The following TRPM3 variants were observed in gnomAD, a reference collection of about 807,000 sequenced individuals.
TRPM3 encodes the protein transient receptor potential cation channel subfamily M member 3.
TRPM3 carries 77 observed loss-of-function variants against 181.2 expected under a neutral mutation model. The observed-to-expected ratio is 0.42, with a 90% CI of 0.35 to 0.51. The LOEUF (loss-of-function observed/expected upper bound fraction) is 0.51, where lower values mean the gene tolerates loss of function less well. Among genes scored for constraint, TRPM3 ranks in the 20% least tolerant of loss-of-function variants. The probability of loss-of-function intolerance (pLI) is 0.01; values close to 1 mark genes in which losing one functional copy is unlikely to be tolerated. For synonymous variants in TRPM3, 745 were observed against 796.4 expected (o/e 0.94, Z 1.09); for missense variants, 1,759 against 2,196.7 (o/e 0.80, Z 3.98).
At chr9:70,839,413 G>T (rs1314079976) in intron 5 of TRPM3, among the ~76,000 whole-genome samples, 1 of 152,036 alleles carries the variant, frequency 6.6e-6, no homozygotes, top group East Asian at 1.9e-4. Flanking sequence ...TTATTTTTAG[G>T]ACTAGTATTT....
At chr9:71,398,931 T>C (rs1239964841) in intron 1 of TRPM3, among the ~76,000 whole-genome samples, 4 of 152,142 alleles carry the variant, frequency 2.6e-5, no homozygotes. Flanking sequence ...AAAATGAAAA[T>C]TCTTTTTCAT....
At chr9:70,582,701 A>T (rs1403712846) in intron 22 of TRPM3, among the ~76,000 whole-genome samples, 1 of 152,198 alleles carries the variant, frequency 6.6e-6, no homozygotes, top group African/African-American at 2.4e-5. Flanking sequence ...GCCATATGTG[A>T]CGAGCAGCTA....
intron 3 of TRPM3, among the ~76,000 whole-genome samples, chr9:70,859,837 G>T (rs972742079): frequency 2.0e-5 from 3 of 152,146 alleles, no homozygotes; most frequent in African/African-American, 4.8e-5. Flanking sequence ...TTACTGTTTT[G>T]CTGGAGTGAG....
At chr9:71,094,447 C>T (rs1415723526) in intron 1 of TRPM3, among the ~76,000 whole-genome samples, 1 of 152,114 alleles carries the variant, frequency 6.6e-6, no homozygotes, top group Non-Finnish European at 1.5e-5. Context: ...TGCATATCCT[C>T]ATTTTATTCT....
intron 1 of TRPM3, among the ~76,000 whole-genome samples, chr9:70,916,344 T>C (rs1178936433): frequency 3.3e-5 from 5 of 152,144 alleles, no homozygotes; most frequent in African/African-American, 4.8e-5. Context: ...CAGAAAAATA[T>C]AGAATATTAT....
At chr9:70,824,267 G>A (rs2093405467) in intron 6 of TRPM3, among the ~76,000 whole-genome samples, 1 of 152,144 alleles carries the variant, frequency 6.6e-6, no homozygotes, top group South Asian at 2.1e-4. Flanking sequence ...CTGAGTGTAA[G>A]AGGTGGTAGA....
In TRPM3 at chr9:70,534,305, C is replaced by A. The variant is rs1320138870; in HGVS notation, c.*1648G>T. 6.6e-6 allele frequency: 1 copy of A among 152,148 alleles called. No individual in the cohort carries two copies. Among genetic ancestry groups the A allele is most frequent in the Non-Finnish European group, 1.5e-5 (1 of 68,034 alleles). 9.4% of individuals were successfully genotyped at this position (152,148 alleles called of 1,614,324 possible). ...AAAGGGCAGAAGGCGAGCAGTGAGT[C>A]ATTTTGACAACTCTAGTTTGATATG... On this transcript the variant is annotated 3_prime_UTR_variant, in exon 26 of 26. Transcript: ENST00000677713.
chr9:71,084,025 C>G (rs762143811), intron 1 of TRPM3, among the ~76,000 whole-genome samples: 1 of 151,908 alleles, frequency 6.6e-6, no homozygotes, highest in Non-Finnish European at 1.5e-5. Context: ...GATGTGTACT[C>G]AGTCTATGTG....
At chr9:71,358,940 A>C (rs2092021746) in intron 1 of TRPM3, among the ~76,000 whole-genome samples, 1 of 152,228 alleles carries the variant, frequency 6.6e-6, no homozygotes, top group Non-Finnish European at 1.5e-5. Flanking sequence ...ATGGTCTTCT[A>C]AAATTTTTAT....
At chr9:71,225,206 A>G (rs1721189729) in intron 1 of TRPM3, among the ~76,000 whole-genome samples, 1 of 152,200 alleles carries the variant, frequency 6.6e-6, no homozygotes, top group South Asian at 2.1e-4. Flanking sequence ...AAGAATGAAA[A>G]AGAATCCTAA....
intron 21 of TRPM3, among the ~76,000 whole-genome samples, chr9:70,594,303 A>G (rs1291020837): frequency 6.6e-6 from 1 of 152,182 alleles, no homozygotes; most frequent in African/African-American, 2.4e-5. Flanking sequence ...TATTATTATT[A>G]GAGTTGGAAG....
intron 5 of TRPM3, among the ~76,000 whole-genome samples, chr9:70,834,344 T>G (rs2094155882): frequency 6.6e-6 from 1 of 152,180 alleles, no homozygotes. Flanking sequence ...ACTTGCTCCC[T>G]TTGCCCAGTC....
chr9:71,346,310 C>T (rs1450970458), intron 1 of TRPM3, among the ~76,000 whole-genome samples: 1 of 152,162 alleles, frequency 6.6e-6, no homozygotes, highest in East Asian at 1.9e-4. Flanking sequence ...ATAAAGTTAA[C>T]AACAAAATCT....
intron 1 of TRPM3, among the ~76,000 whole-genome samples, chr9:71,337,621 A>G (rs543370502): frequency 1.3e-5 from 2 of 152,202 alleles, no homozygotes; most frequent in African/African-American, 4.8e-5. Context: ...TACTATAAAG[A>G]CACATGCACA....
intron 1 of TRPM3, among the ~76,000 whole-genome samples, chr9:70,958,539 G>A (rs2097103181): frequency 6.6e-6 from 1 of 152,032 alleles, no homozygotes; most frequent in African/African-American, 2.4e-5. Flanking sequence ...CAGTGATGAT[G>A]AGCATTTTTT....
At chr9:70,952,383 A>C (rs2097013252) in intron 1 of TRPM3, among the ~76,000 whole-genome samples, 1 of 152,170 alleles carries the variant, frequency 6.6e-6, no homozygotes, top group Non-Finnish European at 1.5e-5. Flanking sequence ...AGATGTGACA[A>C]AAAGTTGTTC....
intron 8 of TRPM3, among the ~76,000 whole-genome samples, chr9:70,751,999 A>AGTGTGTATGTGTGTGTGT (rs57794545): frequency 1.4e-4 from 15 of 104,556 alleles, no homozygotes; most frequent in East Asian, 2.7e-4. Context: ...ACATCTCAAC[A>AGTGTGTATGTGTGTGTGT]GTGTGTGTGT....
At position 71,412,612 on chromosome 9, in the gene TRPM3, G is replaced by A. The variant is rs1420933145; in HGVS notation, c.183+34041C>T. Among the ~76,000 whole-genome samples, 511 of 151,662 alleles carry A rather than the reference G, an allele frequency of 3.4e-3. 4 individuals carry two copies. Among genetic ancestry groups the A allele is most frequent in the African/African-American group, 0.012 (482 of 40,960 alleles). Reference sequence around the variant, plus strand: ...GTCAGGAAACAACAGGTGCTGGAGAGGATGTGGAGAAATAGGAACACTTTT... The same window carrying A: ...GTCAGGAAACAACAGGTGCTGGAGAAGATGTGGAGAAATAGGAACACTTTT... On this transcript the variant is annotated intron_variant, in intron 1 of 24. Transcript: ENST00000357533.
chr9:71,181,392 A>ATTTCTCCT (rs1332987996), intron 1 of TRPM3, among the ~76,000 whole-genome samples: 1 of 148,452 alleles, frequency 6.7e-6, no homozygotes, highest in African/African-American at 2.5e-5. Context: ...TTTGATTAGG[A>ATTTCTCCT]GAAAACTTTG....
Sources: gnomAD v4.1 joint callset for allele counts (sites outside exome capture counted in the v4.1 genomes callset) on GRCh38, gnomAD v4.1.1 for gene constraint, MANE v1.5 for transcripts, NCBI Gene and HGNC (gene_info 2026-07-23, HGNC 2026-07-21) for gene names.